Variants in RAB30 observed in about 807,000 individuals in gnomAD.
RAB30 encodes the protein RAB30, member RAS oncogene family.
A neutral mutation model predicts 25.1 loss-of-function variants in RAB30; 9 were observed. The ratio of observed to expected loss-of-function variants is 0.36; its 90% confidence interval spans 0.22 to 0.63. The LOEUF (loss-of-function observed/expected upper bound fraction) is 0.63, where lower values mean the gene tolerates loss of function less well. Ranked by LOEUF, RAB30 falls within the 20% of genes least tolerant of loss-of-function variation. The pLI is 0.69. For synonymous variants in RAB30, 77 were observed against 86.4 expected (o/e 0.89, Z 0.60); for missense variants, 140 against 243.5 (o/e 0.58, Z 2.83).
chr11:83,027,239 T>C (rs1057311427), intron 1 of RAB30, among the ~76,000 whole-genome samples: 1 of 152,184 alleles, frequency 6.6e-6, no homozygotes, highest in Non-Finnish European at 1.5e-5. Flanking sequence ...ATTCACTGTA[T>C]TGCCCTCCCT....
intron 2 of RAB30, among the ~76,000 whole-genome samples, chr11:82,994,650 A>C (rs1856923216): frequency 6.6e-6 from 1 of 152,208 alleles, no homozygotes; most frequent in African/African-American, 2.4e-5. Flanking sequence ...GAGAAGCGGG[A>C]ATAAGACAGT....
chr11:82,992,839 C>G (rs1022563571), intron 3 of RAB30, among the ~76,000 whole-genome samples: 1 of 151,896 alleles, frequency 6.6e-6, no homozygotes, highest in African/African-American at 2.4e-5. Flanking sequence ...ACTCAACTTC[C>G]CAGGCTCAAA....
At position 82,977,965 on chromosome 11, in the gene RAB30, C is replaced by T. The variant is rs898424356; in HGVS notation, c.*4200G>A. 2 of 152,092 alleles carry T rather than the reference C, an allele frequency of 1.3e-5. No homozygotes were observed. Among genetic ancestry groups the T allele is most frequent in the South Asian group, 2.1e-4 (1 of 4,822 alleles). The allele number at this position is 152,092 out of a possible 1,614,324, so 9.4% of individuals were successfully genotyped here. A position where few individuals can be genotyped will look rare whatever the true frequency, so the allele number is the denominator to read the frequency against. ...AAAGGAAGGCATCTTTCCTTCCAAACGCAAATAGGCTCATGCCACAGAAAT... is the reference window on the plus strand; with the variant it reads ...AAAGGAAGGCATCTTTCCTTCCAAATGCAAATAGGCTCATGCCACAGAAAT... On this transcript the variant is annotated 3_prime_UTR_variant, in exon 5 of 5. Transcript: ENST00000527633.
chr11:83,027,700 G>C (rs1590862438), intron 1 of RAB30, among the ~76,000 whole-genome samples: 1 of 151,980 alleles, frequency 6.6e-6, no homozygotes, highest in African/African-American at 2.4e-5. Context: ...CATTTCAATG[G>C]TTTTTAGCAT....
chr11:82,982,659 C>T (rs1362222505), intron 4 of RAB30, among the ~76,000 whole-genome samples: 1 of 152,066 alleles, frequency 6.6e-6, no homozygotes, highest in Non-Finnish European at 1.5e-5. Flanking sequence ...GTCAGGAGTT[C>T]GAGACTAGCC....
chr11:83,009,355 C>T (rs549704231), intron 1 of RAB30, among the ~76,000 whole-genome samples: 12 of 152,244 alleles, frequency 7.9e-5, no homozygotes, highest in Admixed American at 3.3e-4. Context: ...CGTGAGCCAC[C>T]GCGCCCGGCC....
intron 3 of RAB30, among the ~76,000 whole-genome samples, chr11:82,989,371 A>C (rs1331181772): frequency 6.6e-6 from 1 of 152,234 alleles, no homozygotes; most frequent in Non-Finnish European, 1.5e-5. Context: ...AGTGACCCGT[A>C]GTCCCTGCCA....
intron 1 of RAB30, among the ~76,000 whole-genome samples, chr11:83,018,764 C>T (rs1857498003): frequency 6.6e-6 from 1 of 152,108 alleles, no homozygotes; most frequent in South Asian, 2.1e-4. Context: ...GAACTCTTTG[C>T]CTAAGCCAAC....
chr11:83,048,411 G>A (rs1486589694), intron 1 of RAB30, among the ~76,000 whole-genome samples: 2 of 151,038 alleles, frequency 1.3e-5, no homozygotes, highest in Middle Eastern at 3.2e-3. Context: ...AGTCAAGGCT[G>A]CAGTGAGCCG....
intron 1 of RAB30, among the ~76,000 whole-genome samples, chr11:83,020,689 T>C (rs529146165): frequency 1.6e-4 from 24 of 152,218 alleles, no homozygotes; most frequent in African/African-American, 4.3e-4. Context: ...CATGGACCAA[T>C]TGCATGCACT....
chr11:82,987,905 TAAAA>T (rs35726383), intron 3 of RAB30, 135 bp from the exon 4 acceptor site: 1,146 of 35,396 alleles, frequency 0.032, 23 homozygotes, highest in African/African-American at 0.13. Context: ...TTTTCTGCCC[TAAAA>T]AAAAAAAAAA....
At position 83,067,653 on chromosome 11, in the gene RAB30, T is replaced by G. The variant is rs547032602; in HGVS notation, c.-9+4038A>C. ...ATTTCATGACTCCCTTTTCTCCCTA[T>G]CCCCCCATCCAATCAATCAACAAAT... On this transcript the variant is annotated intron_variant, in intron 1 of 4. Coordinates refer to ENST00000527633, the MANE Select transcript of RAB30 (RefSeq NM_001286060.2). Among the ~76,000 whole-genome samples the G allele has an allele frequency of 5.3e-5, 8 of 152,170 alleles. No homozygotes were observed. The East Asian group carries it at 1.5e-3, about 29-fold the overall frequency.
intron 1 of RAB30, among the ~76,000 whole-genome samples, chr11:83,051,752 A>G (rs1858362714): frequency 6.6e-6 from 1 of 152,088 alleles, no homozygotes; most frequent in Non-Finnish European, 1.5e-5. Flanking sequence ...TGAAGTTGTA[A>G]TAGCCCTGAC....
chr11:83,067,591 A>T (rs1295548090), intron 1 of RAB30, among the ~76,000 whole-genome samples: 2 of 152,130 alleles, frequency 1.3e-5, no homozygotes, highest in Non-Finnish European at 2.9e-5. Context: ...TTCTCTGAAA[A>T]CGTCATCCCC....
intron 1 of RAB30, among the ~76,000 whole-genome samples, chr11:83,020,156 C>T (rs2121512123): frequency 6.6e-6 from 1 of 152,228 alleles, no homozygotes; most frequent in African/African-American, 2.4e-5. Flanking sequence ...GGTAGAAGCC[C>T]CACCCTCTCG....
chr11:82,994,972 T>C (rs1175496457), intron 2 of RAB30, among the ~76,000 whole-genome samples: 1 of 152,228 alleles, frequency 6.6e-6, no homozygotes, highest in African/African-American at 2.4e-5. Context: ...CAAAATGCTT[T>C]ACTTCAAACT....
At chr11:83,002,605 A>C (rs1857108836) in intron 1 of RAB30, among the ~76,000 whole-genome samples, 1 of 152,230 alleles carries the variant, frequency 6.6e-6, no homozygotes, top group Admixed American at 6.5e-5. Flanking sequence ...AACCACTGTA[A>C]GCAATGTGAA....
chr11:83,008,939 T>C (rs1048972478), intron 1 of RAB30, among the ~76,000 whole-genome samples: 6 of 152,126 alleles, frequency 3.9e-5, no homozygotes, highest in Non-Finnish European at 8.8e-5. Context: ...GTAACAAGGC[T>C]CTTCATAATC....
chr11:82,994,212 A>G lies in RAB30; in HGVS notation c.94-90T>C, dbSNP rs73508492. On this transcript the variant is annotated intron_variant, in intron 2 of 4. Coordinates refer to ENST00000527633, the MANE Select transcript of RAB30 (RefSeq NM_001286060.2). ...CTCCCCCAGCAACACCCATCACCGG[A>G]GTCCTTCCTTCAGCTGAGGTGACTG... 18,901 of 1,113,328 alleles carry G rather than the reference A, an allele frequency of 0.017. 1,822 individuals carry two copies. The African/African-American group carries it at 0.23, about 14-fold the overall frequency. The allele number at this position is 1,113,328 out of a possible 1,614,324, so 69.0% of individuals were successfully genotyped here.
Sources: gnomAD v4.1 joint callset for allele counts (sites outside exome capture counted in the v4.1 genomes callset) on GRCh38, gnomAD v4.1.1 for gene constraint, MANE v1.5 for transcripts, NCBI Gene and HGNC (gene_info 2026-07-23, HGNC 2026-07-21) for gene names.